Variants in ASXL3 observed in about 807,000 individuals in gnomAD.
ASXL3 encodes the protein putative Polycomb group protein ASXL3.
In ASXL3, 34 loss-of-function variants were observed where a neutral mutation model predicts 170.6. The observed-to-expected ratio is 0.20, with a 90% CI of 0.15 to 0.27. The LOEUF is 0.27. Ranked by LOEUF, ASXL3 falls within the 10% of genes least tolerant of loss-of-function variation. The probability of loss-of-function intolerance (pLI) is 1.00; values close to 1 mark genes in which losing one functional copy is unlikely to be tolerated. For missense variants in ASXL3, 2,592 were observed against 2,695.3 expected (o/e 0.96, Z 0.85); for synonymous variants, 1,002 against 989.1 (o/e 1.01, Z -0.24).
intron 7 of ASXL3, 60 bp downstream of exon 7, chr18:33,671,926 A>G (rs1007485166): frequency 1.4e-5 from 20 of 1,399,136 alleles, no homozygotes; most frequent in Non-Finnish European, 1.9e-5. Flanking sequence ...TCTCAAATAA[A>G]TTATCTAAAA....
At chr18:33,692,202 T>C (rs544523990) in intron 8 of ASXL3, among the ~76,000 whole-genome samples, 1 of 152,326 alleles carries the variant, frequency 6.6e-6, no homozygotes, top group South Asian at 2.1e-4. Context: ...TAGAACAGCA[T>C]TTTTTAAAAA....
chr18:33,719,263 G>A (rs1285981103), intron 8 of ASXL3, among the ~76,000 whole-genome samples: 1 of 151,820 alleles, frequency 6.6e-6, no homozygotes, highest in Non-Finnish European at 1.5e-5. Context: ...TTACTCTAGG[G>A]CTCTTTCCTG....
chr18:33,719,755 CA>C (rs2067228096), intron 8 of ASXL3, among the ~76,000 whole-genome samples: 3 of 151,946 alleles, frequency 2.0e-5, no homozygotes, highest in African/African-American at 7.2e-5. Context: ...TCCCTTCCAC[CA>C]TGGAGGCAAC....
chr18:33,727,753 T>C (rs879353955), intron 8 of ASXL3, among the ~76,000 whole-genome samples: 1 of 152,198 alleles, frequency 6.6e-6, no homozygotes, highest in African/African-American at 2.4e-5. Flanking sequence ...TTCCAGTTCA[T>C]TCAAATATAT....
intron 1 of ASXL3, among the ~76,000 whole-genome samples, chr18:33,587,222 T>C (rs914546411): frequency 1.3e-5 from 2 of 152,222 alleles, no homozygotes; most frequent in African/African-American, 4.8e-5. Context: ...TTGAATTTTC[T>C]AATCATATGC....
Position 33,743,259 on chromosome 18 carries a change from A to G in ASXL3, c.3411A>G (p.Glu1137=), listed in dbSNP as rs566044428. 6 of 1,613,944 alleles carry G rather than the reference A, an allele frequency of 3.7e-6. No individual in the cohort carries two copies. The highest frequency in any genetic ancestry group is 2.7e-5 in the African/African-American group (2 of 75,044). The change falls in exon 12 of 12, where the codon GAA becomes GAG. Residue 1137 remains glutamate (E), a synonymous_variant. Transcript: ENST00000269197. ...TRLPPPLSSK[E]GPPNLEVSST... ...TGCCTCCTCCGCTCAGCTCAAAGGA[A>G]GGGCCTCCAAACTTAGAAGTCTCTT...
chr18:33,590,445 G>T (rs187181384), intron 1 of ASXL3, among the ~76,000 whole-genome samples: 1 of 152,186 alleles, frequency 6.6e-6, no homozygotes, highest in Non-Finnish European at 1.5e-5. Flanking sequence ...TTACAAAAAA[G>T]CACCAATAAA....
intron 2 of ASXL3, among the ~76,000 whole-genome samples, chr18:33,641,404 A>G (rs994997180): frequency 6.6e-6 from 1 of 151,688 alleles, no homozygotes; most frequent in African/African-American, 2.4e-5. Flanking sequence ...AGGGGGAAAA[A>G]CAAACAAGTA....
intron 2 of ASXL3, among the ~76,000 whole-genome samples, chr18:33,610,235 A>G (rs1035009543): frequency 2.0e-5 from 3 of 152,042 alleles, no homozygotes; most frequent in Admixed American, 6.6e-5. Flanking sequence ...TAGAAATTCC[A>G]CCTTCATGAA....
intron 9 of ASXL3, among the ~76,000 whole-genome samples, chr18:33,732,882 A>G (rs74882357): frequency 0.056 from 8,471 of 150,254 alleles, 316 homozygotes; most frequent in East Asian, 0.14. Context: ...AAAAAAAATT[A>G]CTGATGGCAA....
intron 7 of ASXL3, among the ~76,000 whole-genome samples, chr18:33,674,866 C>T (rs2066400689): frequency 6.6e-6 from 1 of 152,174 alleles, no homozygotes; most frequent in Non-Finnish European, 1.5e-5. Flanking sequence ...GATCCACCTG[C>T]CTCGGCTTCC....
At chr18:33,596,611 G>T (rs1398331663) in intron 1 of ASXL3, among the ~76,000 whole-genome samples, 2 of 152,138 alleles carry the variant, frequency 1.3e-5, no homozygotes, top group East Asian at 1.9e-4. Flanking sequence ...TTTCAGACTA[G>T]TTTGTGGGAA....
chr18:33,645,073 A>G, intron 3 of ASXL3, 71 bp downstream of exon 3: 1 of 1,024,594 alleles, frequency 9.8e-7, no homozygotes, highest in East Asian at 2.7e-5. Context: ...AAGGTAAACA[A>G]AATTAGATTT....
chr18:33,599,541 A>G (rs1399749692), intron 1 of ASXL3, among the ~76,000 whole-genome samples: 1 of 152,196 alleles, frequency 6.6e-6, no homozygotes, highest in East Asian at 1.9e-4. Flanking sequence ...GGTGGCCAAT[A>G]AAATAAGGGA....
At chr18:33,648,394 T>G (rs945517575) in intron 4 of ASXL3, among the ~76,000 whole-genome samples, 1 of 151,982 alleles carries the variant, frequency 6.6e-6, no homozygotes, top group Non-Finnish European at 1.5e-5. Flanking sequence ...AGAAAGGAGT[T>G]GGGGATAACT....
intron 2 of ASXL3, among the ~76,000 whole-genome samples, chr18:33,640,970 CAA>C (rs1351030661): frequency 2.7e-5 from 4 of 150,246 alleles, no homozygotes; most frequent in African/African-American, 9.7e-5. Context: ...TAAGACATAA[CAA>C]TATAATAAAA....
chr18:33,657,060 A>T (rs2066095667), intron 4 of ASXL3, among the ~76,000 whole-genome samples: 1 of 152,138 alleles, frequency 6.6e-6, no homozygotes, highest in African/African-American at 2.4e-5. Context: ...GCTGAGGCAG[A>T]TGACAGCACC....
intron 2 of ASXL3, among the ~76,000 whole-genome samples, chr18:33,611,658 A>T (rs1284067229): frequency 6.6e-6 from 1 of 152,014 alleles, no homozygotes; most frequent in African/African-American, 2.4e-5. Context: ...CCCTCTTTGG[A>T]CTTCTTAGAT....
chr18:33,744,849 T>G lies in ASXL3; in HGVS notation c.5001T>G (p.Pro1667=), dbSNP rs377152896. The G allele has an allele frequency of 6.7e-4, 1,085 of 1,614,066 alleles. 2 individuals carry two copies. The highest frequency in any genetic ancestry group is 8.5e-4 in the Non-Finnish European group (1,006 of 1,179,894). Residue 1667 remains proline, a synonymous_variant, in exon 12 of 12, where the codon CCT becomes CCG. Transcript: ENST00000269197. ...ATCTTGTAACAAATGTTGCTCTTCC[T>G]GTGAAATCTGAACTTCACGAAGCAG... ...PRNLVTNVAL[P]VKSELHEADK...
Sources: gnomAD v4.1 joint callset for allele counts (sites outside exome capture counted in the v4.1 genomes callset) on GRCh38, gnomAD v4.1.1 for gene constraint, MANE v1.5 for transcripts, NCBI Gene and HGNC (gene_info 2026-07-23, HGNC 2026-07-21) for gene names.